GABBR2: variants seen among roughly 807,000 people sequenced by gnomAD.
GABBR2 encodes G-protein coupled receptor 51.
Under a neutral mutation model 105.6 loss-of-function variants are expected in GABBR2, and 23 were observed. The ratio of observed to expected loss-of-function variants is 0.22; its 90% CI spans 0.16 to 0.31. The LOEUF (loss-of-function observed/expected upper bound fraction) is 0.31, where lower values mean the gene tolerates loss of function less well. Among genes scored for constraint, GABBR2 ranks in the 10% least tolerant of loss-of-function variants. The probability of loss-of-function intolerance (pLI) is 1.00; values close to 1 mark genes in which losing one functional copy is unlikely to be tolerated. For synonymous variants in GABBR2, 478 were observed against 499.7 expected (o/e 0.96, Z 0.58); for missense variants, 734 against 1,245.5 (o/e 0.59, Z 6.18).
intron 1 of GABBR2, among the ~76,000 whole-genome samples, chr9:98,606,089 A>G (rs1028354845): frequency 6.6e-6 from 1 of 152,144 alleles, no homozygotes; most frequent in East Asian, 1.9e-4. Flanking sequence ...CCATGTCCCT[A>G]CCAAAGACAT....
At chr9:98,586,190 C>T (rs1471931785) in intron 1 of GABBR2, among the ~76,000 whole-genome samples, 1 of 152,102 alleles carries the variant, frequency 6.6e-6, no homozygotes, top group East Asian at 1.9e-4. Context: ...ATGTTGAAGA[C>T]CTCTGCGCCC....
chr9:98,396,261 C>T (rs377071468), intron 8 of GABBR2, among the ~76,000 whole-genome samples: 2 of 152,318 alleles, frequency 1.3e-5, no homozygotes, highest in African/African-American at 4.8e-5. Flanking sequence ...CGGGTCCCTT[C>T]CAGAGCTGCA....
chr9:98,428,657 C>T (rs1825742737), intron 7 of GABBR2, among the ~76,000 whole-genome samples: 1 of 152,342 alleles, frequency 6.6e-6, no homozygotes, highest in African/African-American at 2.4e-5. Context: ...ACAGACTATT[C>T]TAGCTATGTG....
At chr9:98,560,759 T>TTA (rs557088734) in intron 2 of GABBR2, among the ~76,000 whole-genome samples, 1 of 142,086 alleles carries the variant, frequency 7.0e-6, no homozygotes, top group East Asian at 2.0e-4. Flanking sequence ...ATATTTAGTA[T>TTA]TATATATATA....
chr9:98,501,737 C>T (rs2808561), intron 3 of GABBR2, among the ~76,000 whole-genome samples: 127,652 of 152,178 alleles, frequency 0.84, 54,603 homozygotes, highest in African/African-American at 0.96. Flanking sequence ...CAGGCTCCCA[C>T]GCAGCTTTGG....
At chr9:98,599,226 G>A (rs1829283479) in intron 1 of GABBR2, among the ~76,000 whole-genome samples, 1 of 152,116 alleles carries the variant, frequency 6.6e-6, no homozygotes, top group African/African-American at 2.4e-5. Flanking sequence ...GACCCTACTG[G>A]GCAAGGCTCT....
intron 1 of GABBR2, among the ~76,000 whole-genome samples, chr9:98,673,128 G>A (rs1830425852): frequency 6.6e-6 from 1 of 152,184 alleles, no homozygotes; most frequent in Non-Finnish European, 1.5e-5. Context: ...ATGTCCACAA[G>A]AACTTATTCC....
chr9:98,333,347 T>C (rs1439168058), intron 13 of GABBR2, among the ~76,000 whole-genome samples: 2 of 152,152 alleles, frequency 1.3e-5, no homozygotes, highest in African/African-American at 4.8e-5. Context: ...TACCATAAAT[T>C]GGGCGGCTTA....
intron 11 of GABBR2, among the ~76,000 whole-genome samples, chr9:98,377,004 C>T (rs113763544): frequency 0.031 from 4,774 of 152,302 alleles, 173 homozygotes; most frequent in African/African-American, 0.083. Context: ...GGCTCAAAGA[C>T]CCGATCACAG....
intron 1 of GABBR2, chr9:98,707,591 C>G (rs889025936): frequency 6.6e-6 from 1 of 152,444 alleles, no homozygotes; most frequent in Non-Finnish European, 1.5e-5. Flanking sequence ...TCTCTGGCTC[C>G]GCTCCGGACT....
At chr9:98,527,234 C>T (rs1180205907) in intron 3 of GABBR2, among the ~76,000 whole-genome samples, 1 of 151,650 alleles carries the variant, frequency 6.6e-6, no homozygotes, top group Non-Finnish European at 1.5e-5. Context: ...TTAGCATTTC[C>T]CCATTATCAG....
At chr9:98,294,769 C>T (rs937948784) in intron 17 of GABBR2, among the ~76,000 whole-genome samples, 5 of 152,132 alleles carry the variant, frequency 3.3e-5, no homozygotes, top group Non-Finnish European at 7.4e-5. Flanking sequence ...TGAGCCGCTG[C>T]GCCCAGCCAC....
chr9:98,658,038 A>G (rs1830205756), intron 1 of GABBR2, among the ~76,000 whole-genome samples: 1 of 152,270 alleles, frequency 6.6e-6, no homozygotes, highest in African/African-American at 2.4e-5. Flanking sequence ...AAGAGCCTTT[A>G]CTAGGCACTG....
intron 1 of GABBR2, among the ~76,000 whole-genome samples, chr9:98,614,497 C>T (rs973004678): frequency 2.6e-5 from 4 of 151,990 alleles, no homozygotes; most frequent in Middle Eastern, 3.2e-3. Context: ...TGCACTCCAG[C>T]CTGGGCAACA....
intron 3 of GABBR2, among the ~76,000 whole-genome samples, chr9:98,509,535 G>A (rs1827591392): frequency 6.6e-6 from 1 of 152,110 alleles, no homozygotes. Context: ...AAAATTAGAC[G>A]AATGGATAAC....
intron 3 of GABBR2, among the ~76,000 whole-genome samples, chr9:98,513,643 A>C (rs927858931): frequency 6.6e-6 from 1 of 152,048 alleles, no homozygotes. Context: ...GCAGCCAAAA[A>C]ACACATGAAA....
chr9:98,379,173 C>T (rs1398533023), intron 11 of GABBR2, among the ~76,000 whole-genome samples: 4 of 152,230 alleles, frequency 2.6e-5, no homozygotes, highest in Non-Finnish European at 5.9e-5. Context: ...AGTCTGTTCC[C>T]GCCCCAGTTT....
intron 1 of GABBR2, among the ~76,000 whole-genome samples, chr9:98,579,358 G>A (rs1011930311): frequency 6.6e-6 from 1 of 152,118 alleles, no homozygotes; most frequent in Non-Finnish European, 1.5e-5. Context: ...AGGGGCCCAC[G>A]ACGAGTATCA....
At chr9:98,355,493 T>C (rs1004087753) in intron 13 of GABBR2, among the ~76,000 whole-genome samples, 1 of 151,996 alleles carries the variant, frequency 6.6e-6, no homozygotes, top group African/African-American at 2.4e-5. Flanking sequence ...CCAAATGAAA[T>C]GAAATAGGTA....
Sources: allele counts gnomAD v4.1 joint callset (sites outside exome capture counted in the v4.1 genomes callset), GRCh38; gene constraint gnomAD v4.1.1; transcripts MANE v1.5; gene names NCBI Gene and HGNC (gene_info 2026-07-23, HGNC 2026-07-21).